KLHL22: variants seen among roughly 807,000 people sequenced by gnomAD.
KLHL22 encodes kelch like family member 22, also known as kelch-like protein 22.
KLHL22 carries 18 observed loss-of-function variants against 60.7 expected under a neutral mutation model. The ratio of observed to expected loss-of-function variants is 0.30; its 90% confidence interval spans 0.20 to 0.44. The LOEUF is 0.44. Ranked by LOEUF, KLHL22 falls within the 20% of genes least tolerant of loss-of-function variation. The pLI is 1.00. For missense variants in KLHL22, 596 were observed against 852.3 expected (o/e 0.70, Z 3.74); for synonymous variants, 355 against 354.5 (o/e 1.00, Z -0.01).
At chr22:20,491,443 A>T (rs2053688805) in intron 1 of KLHL22, 1 of 152,194 alleles carries the variant, frequency 6.6e-6, no homozygotes, top group South Asian at 2.1e-4. Context: ...GAAGCTACCT[A>T]GGGGCTGCTG....
At chr22:20,477,736 T>G (rs1352652270) in intron 2 of KLHL22, among the ~76,000 whole-genome samples, 1 of 152,224 alleles carries the variant, frequency 6.6e-6, no homozygotes, top group East Asian at 1.9e-4. Context: ...AATTATAGAA[T>G]GATTACACAT....
rs2146147959 is a variant in KLHL22 at position 20,441,611 on chromosome 22, C to G, written c.*462G>C. 1 of 179,882 alleles carries G rather than the reference C, an allele frequency of 5.6e-6. No homozygotes were observed. The highest frequency in any genetic ancestry group is 6.4e-5 in the Admixed American group (1 of 15,586). 11.1% of individuals were successfully genotyped at this position (179,882 alleles called of 1,614,324 possible). A position where few individuals can be genotyped will look rare whatever the true frequency, so the allele number is the denominator to read the frequency against. The stretch of plus-strand genomic sequence containing the variant: ...GGGAGGGGTCTTTTTATCACAGAGC[C>G]AGTCCCAGGCGAGCTGATGCATCTC... On this transcript the variant is annotated 3_prime_UTR_variant, in exon 7 of 7. Transcript: ENST00000328879.
chr22:20,474,533 A>T (rs2053379000), intron 2 of KLHL22, among the ~76,000 whole-genome samples: 2 of 152,110 alleles, frequency 1.3e-5, no homozygotes, highest in Admixed American at 1.3e-4. Context: ...CTGGGATTAC[A>T]GTCCTGCGCC....
intron 2 of KLHL22, chr22:20,488,695 A>AGGAGGGGAGGGGCGGAGC: frequency 2.1e-6 from 1 of 471,478 alleles, no homozygotes. Context: ...AGGGGAGGAG[A>AGGAGGGGAGGGGCGGAGC]GAAAGGAGGA....
rs763174828 is a variant in KLHL22 at position 20,489,036 on chromosome 22, C to G, written c.176G>C (p.Arg59Thr). The part of the protein sequence containing the change: ...LFDVVLVVEG[R>T]HIEAHRILLA... Reference sequence around the variant, plus strand: ...CAGGATGCGATGGGCCTCGATGTGTCTGCCCTCCACCACCAGCACAACATC... The same window carrying G: ...CAGGATGCGATGGGCCTCGATGTGTGTGCCCTCCACCACCAGCACAACATC... The change falls in exon 2 of 7, where the codon AGA (arginine) becomes ACA (threonine). Residue 59 changes from arginine to threonine, a missense_variant. Physicochemically the swap from Arg to Thr is moderately conservative, Grantham distance 71. Transcript: ENST00000328879. The G allele has an allele frequency of 1.2e-6, 2 of 1,614,098 alleles. No individual in the cohort carries two copies. The highest frequency in any genetic ancestry group is 2.2e-5 in the South Asian group (2 of 91,080).
chr22:20,494,599 T>C (rs1319578810), intron 1 of KLHL22, among the ~76,000 whole-genome samples: 1 of 151,820 alleles, frequency 6.6e-6, no homozygotes, highest in Non-Finnish European at 1.5e-5. Flanking sequence ...CAGGCTAGTC[T>C]CTCCTGACCT....
chr22:20,477,061 G>A (rs899640386), intron 2 of KLHL22, among the ~76,000 whole-genome samples: 1 of 151,942 alleles, frequency 6.6e-6, no homozygotes, highest in South Asian at 2.1e-4. Flanking sequence ...CCTTTCGGGG[G>A]CCAAGGCAGG....
At chr22:20,444,793 T>C (rs1390041746) in intron 6 of KLHL22, among the ~76,000 whole-genome samples, 2 of 151,936 alleles carry the variant, frequency 1.3e-5, no homozygotes, top group Non-Finnish European at 2.9e-5. Context: ...GTTTGTTTGT[T>C]TGTTTGTTTG....
intron 2 of KLHL22, chr22:20,483,365 T>C: frequency 1.3e-6 from 1 of 757,482 alleles, no homozygotes; most frequent in South Asian, 1.3e-5. Context: ...TCTGCCACGA[T>C]CTTGGCAAGG....
At chr22:20,457,480 G>A (rs2053081331) in intron 5 of KLHL22, among the ~76,000 whole-genome samples, 1 of 152,134 alleles carries the variant, frequency 6.6e-6, no homozygotes, top group African/African-American at 2.4e-5. Flanking sequence ...AAGAGCAAAT[G>A]TTCTATCCAC....
At chr22:20,447,924 G>A (rs144769613) in intron 5 of KLHL22, among the ~76,000 whole-genome samples, 4 of 152,254 alleles carry the variant, frequency 2.6e-5, no homozygotes, top group East Asian at 1.9e-4. Context: ...GAGGTCTCAC[G>A]TGCCTTCTTT....
At chr22:20,477,315 T>C (rs1241550586) in intron 2 of KLHL22, among the ~76,000 whole-genome samples, 5 of 151,752 alleles carry the variant, frequency 3.3e-5, no homozygotes, top group Admixed American at 3.3e-4. Context: ...CACTTGAACC[T>C]GGGAGGCGGA....
chr22:20,478,355 G>A (rs1342977173), intron 2 of KLHL22, among the ~76,000 whole-genome samples: 2 of 151,286 alleles, frequency 1.3e-5, no homozygotes, highest in Non-Finnish European at 2.9e-5. Flanking sequence ...ACAGGCATGC[G>A]CCACCACACC....
At chr22:20,486,036 C>T (rs1200481415) in intron 2 of KLHL22, among the ~76,000 whole-genome samples, 56 of 150,592 alleles carry the variant, frequency 3.7e-4, no homozygotes, top group Admixed American at 3.2e-3. Flanking sequence ...GGCGTGGTGG[C>T]GCACACCTGT....
chr22:20,468,577 T>C (rs910221019), intron 3 of KLHL22, among the ~76,000 whole-genome samples: 2 of 152,200 alleles, frequency 1.3e-5, no homozygotes, highest in African/African-American at 2.4e-5. Context: ...TCACTAGCTA[T>C]GTGAACATAC....
chr22:20,474,622 C>T (rs1409461535), intron 2 of KLHL22, among the ~76,000 whole-genome samples: 2 of 151,894 alleles, frequency 1.3e-5, no homozygotes, highest in Non-Finnish European at 2.9e-5. Flanking sequence ...AAACTCCTGA[C>T]CTCAGGTGAT....
At chr22:20,468,619 T>C (rs2146229134) in intron 3 of KLHL22, among the ~76,000 whole-genome samples, 1 of 152,290 alleles carries the variant, frequency 6.6e-6, no homozygotes, top group South Asian at 2.1e-4. Flanking sequence ...CTTGACATGG[T>C]TATGCCAAGT....
intron 2 of KLHL22, chr22:20,484,021 C>T: frequency 1.3e-6 from 1 of 761,626 alleles, no homozygotes. Flanking sequence ...ACGCTGCTGA[C>T]CAGCCAGGCG....
At chr22:20,472,898 G>C (rs2053350571) in intron 2 of KLHL22, among the ~76,000 whole-genome samples, 1 of 152,176 alleles carries the variant, frequency 6.6e-6, no homozygotes, top group East Asian at 1.9e-4. Flanking sequence ...GGCAGCCGGG[G>C]AGGGAGTTCC....
Sources: allele counts gnomAD v4.1 joint callset (sites outside exome capture counted in the v4.1 genomes callset), GRCh38; gene constraint gnomAD v4.1.1; transcripts MANE v1.5; gene names NCBI Gene and HGNC (gene_info 2026-07-23, HGNC 2026-07-21).